KCNE2: variants seen among roughly 807,000 people sequenced by gnomAD.
KCNE2 encodes potassium voltage-gated channel subfamily E regulatory subunit 2, also known as potassium voltage-gated channel subfamily E member 2.
KCNE2 carries 4 observed loss-of-function variants against 4.5 expected under a neutral mutation model. The ratio of observed to expected loss-of-function variants is 0.89; its 90% CI spans 0.44 to 2.03. KCNE2 has a LOEUF of 2.03. KCNE2 is among the 30% of genes most tolerant of loss of function. The pLI is 0.03. For missense variants in KCNE2, 137 were observed against 151.4 expected (o/e 0.90, Z 0.50); for synonymous variants, 57 against 55.9 (o/e 1.02, Z -0.09).
Position 34,370,546 on chromosome 21 carries a change from T to C in KCNE2, c.68T>C (p.Met23Thr), listed in dbSNP as rs1280448748. Residue 23 changes from methionine (M) to threonine (T), a missense_variant, in exon 2 of 2, where the codon ATG (methionine) becomes ACG (threonine). Transcript: ENST00000290310. ...TTCCGAAGGATTTTTATTACTTATA[T>C]GGACAATTGGCGCCAGAACACAACA... ...DVFRRIFITY[M>T]DNWRQNTTAE... 2 of 1,614,104 alleles carry C rather than the reference T, an allele frequency of 1.2e-6. No individual in the cohort carries two copies. Among genetic ancestry groups the C allele is most frequent in the Admixed American group, 3.3e-5 (2 of 60,008 alleles).
chr21:34,369,043 A>G (rs1979466646), intron 1 of KCNE2, among the ~76,000 whole-genome samples: 1 of 152,024 alleles, frequency 6.6e-6, no homozygotes, highest in Non-Finnish European at 1.5e-5. Context: ...AGAGAATAGG[A>G]TGTGATAATG....
chr21:34,364,563 A>T (rs893389718), intron 1 of KCNE2, among the ~76,000 whole-genome samples: 3 of 152,146 alleles, frequency 2.0e-5, no homozygotes, highest in Non-Finnish European at 2.9e-5. Context: ...TGAGGTCAGG[A>T]GATCGAGACC....
intron 1 of KCNE2, among the ~76,000 whole-genome samples, chr21:34,367,999 C>T (rs1375757484): frequency 4.0e-5 from 6 of 151,898 alleles, no homozygotes; most frequent in Non-Finnish European, 4.4e-5. Flanking sequence ...TTGATTTGGT[C>T]TCTCCCATTC....
chr21:34,366,551 C>T (rs1021289485), intron 1 of KCNE2, among the ~76,000 whole-genome samples: 1 of 152,036 alleles, frequency 6.6e-6, no homozygotes, highest in African/African-American at 2.4e-5. Context: ...TAAAGCAATC[C>T]CTGCCTTCCG....
At chr21:34,365,218 G>A (rs949704864) in intron 1 of KCNE2, among the ~76,000 whole-genome samples, 2 of 152,182 alleles carry the variant, frequency 1.3e-5, no homozygotes, top group African/African-American at 4.8e-5. Flanking sequence ...CCCAGCCTGT[G>A]CTAGGACTCA....
Position 34,370,715 on chromosome 21 carries a change from C to T in KCNE2, c.237C>T (p.His79=). 6.2e-7 allele frequency: 1 copy of T among 1,614,206 alleles called. No individual in the cohort carries two copies. Among genetic ancestry groups the T allele is most frequent in the Non-Finnish European group, 8.5e-7 (1 of 1,180,050 alleles). Residue 79 remains histidine, a synonymous_variant, in exon 2 of 2, where the codon CAC becomes CAT. Coordinates refer to ENST00000290310, the MANE Select transcript of KCNE2 (RefSeq NM_172201.2). The part of the protein sequence containing the change: ...VSTVKSKRRE[H]SNDPYHQYIV... ...CTGTGAAATCCAAGAGACGGGAACA[C>T]TCCAATGACCCCTACCACCAGTACA... is the stretch of plus-strand genomic sequence containing the variant.
chr21:34,368,260 ATG>A (rs1568812601), intron 1 of KCNE2, among the ~76,000 whole-genome samples: 1,464 of 81,972 alleles, frequency 0.018, 51 homozygotes, highest in Middle Eastern at 0.037. Context: ...ATATATATAT[ATG>A]TATGTTATAT....
At position 34,370,921 on chromosome 21, in the gene KCNE2, C is replaced by A. The variant is rs1979565956; in HGVS notation, c.*71C>A. 1 of 1,594,984 alleles carries A rather than the reference C, an allele frequency of 6.3e-7. No individual in the cohort carries two copies. Among genetic ancestry groups the A allele is most frequent in the East Asian group, 2.2e-5 (1 of 44,738 alleles). ...GAGATGCCAGTGCCACGAGGCAAAT[C>A]CAAATTGTCTTTGCTTAGAAGAAAG... On this transcript the variant is annotated 3_prime_UTR_variant, in exon 2 of 2. Coordinates refer to ENST00000290310, the MANE Select transcript of KCNE2 (RefSeq NM_172201.2).
At chr21:34,367,453 T>G (rs1294453026) in intron 1 of KCNE2, among the ~76,000 whole-genome samples, 2 of 152,226 alleles carry the variant, frequency 1.3e-5, no homozygotes, top group Non-Finnish European at 2.9e-5. Flanking sequence ...TTAGGAAATA[T>G]GCTTGGTATA....
intron 1 of KCNE2, among the ~76,000 whole-genome samples, chr21:34,368,239 T>TATATA: frequency 9.1e-6 from 1 of 109,778 alleles, no homozygotes; most frequent in East Asian, 2.7e-4. Flanking sequence ...AATATATATA[T>TATATA]ATATATATAT....
At chr21:34,370,442 G>A (rs775710105) in intron 1 of KCNE2, 25 bp from the exon 2 acceptor site, 40 of 1,613,818 alleles carry the variant, frequency 2.5e-5, no homozygotes, top group South Asian at 4.4e-5. Flanking sequence ...AACCTTGTTC[G>A]CCTATTTTAT....
chr21:34,366,718 G>A (rs7278141), intron 1 of KCNE2, among the ~76,000 whole-genome samples: 139,819 of 151,874 alleles, frequency 0.92, 64,533 homozygotes, highest in East Asian at 0.99. Context: ...GGTGGCTCAC[G>A]CCTGTAATCC....
intron 1 of KCNE2, among the ~76,000 whole-genome samples, chr21:34,365,849 C>A (rs1979268773): frequency 6.6e-6 from 1 of 152,236 alleles, no homozygotes; most frequent in Non-Finnish European, 1.5e-5. Context: ...CTTTCACACA[C>A]TGTGATTTGT....
At chr21:34,368,240 ATATATATATATATATATATATG>A (rs202068879) in intron 1 of KCNE2, among the ~76,000 whole-genome samples, 1 of 111,520 alleles carries the variant, frequency 9.0e-6, no homozygotes, top group Non-Finnish European at 1.7e-5. Context: ...ATATATATAT[ATATATATATATATATATATATG>A]TATGTTATAT....
intron 1 of KCNE2, among the ~76,000 whole-genome samples, chr21:34,367,005 A>G (rs901045868): frequency 6.7e-6 from 1 of 149,168 alleles, no homozygotes; most frequent in Non-Finnish European, 1.5e-5. Context: ...AAAAAAAGGA[A>G]AAAAACAAAA....
intron 1 of KCNE2, among the ~76,000 whole-genome samples, chr21:34,368,922 TGGG>T (rs1158505039): frequency 6.6e-6 from 1 of 151,970 alleles, no homozygotes; most frequent in Non-Finnish European, 1.5e-5. Context: ...GTGGTGGTGG[TGGG>T]AAGTGATTTA....
At position 34,366,364 on chromosome 21, in the gene KCNE2, CT is replaced by C. The variant is rs1256556389; in HGVS notation, c.-13+2214del. ...TTTCGAGGGATCTTTAACACCGCCC[CT>C]CCCCCACCCCCAATTCCCACACCCC... On this transcript the variant is annotated intron_variant, in intron 1 of 1. Transcript: ENST00000290310. Among the ~76,000 whole-genome samples the C allele has an allele frequency of 2.0e-5, 3 of 151,914 alleles. No individual in the cohort carries two copies. The East Asian group carries it at 5.8e-4, about 29-fold the overall frequency.
intron 1 of KCNE2, among the ~76,000 whole-genome samples, chr21:34,368,242 ATATATATATATATATATATG>A (rs936204576): frequency 4.4e-5 from 5 of 113,292 alleles, no homozygotes; most frequent in African/African-American, 2.0e-4. Flanking sequence ...ATATATATAT[ATATATATATATATATATATG>A]TATGTTATAT....
intron 1 of KCNE2, among the ~76,000 whole-genome samples, chr21:34,366,162 C>G (rs1011374638): frequency 6.6e-6 from 1 of 152,132 alleles, no homozygotes; most frequent in Admixed American, 6.5e-5. Context: ...GAAACAAACC[C>G]AAATGACTCC....
Sources: allele counts gnomAD v4.1 joint callset (sites outside exome capture counted in the v4.1 genomes callset), GRCh38; gene constraint gnomAD v4.1.1; transcripts MANE v1.5; gene names NCBI Gene and HGNC (gene_info 2026-07-23, HGNC 2026-07-21).